The following KANK4 variants were observed in gnomAD, a reference collection of about 807,000 sequenced individuals.
KANK4 encodes the protein KN motif and ankyrin repeat domains 4.
In KANK4, 50 loss-of-function variants were observed where a neutral mutation model predicts 80.8. That is an observed-to-expected ratio of 0.62 (90% CI 0.49 to 0.78). The LOEUF is 0.78. Among genes scored for constraint, KANK4 ranks in the 30% least tolerant of loss-of-function variants. KANK4 has a pLI of 0.00. For missense variants in KANK4, 1,196 were observed against 1,240.1 expected, an observed-to-expected ratio of 0.96 and a Z score of 0.53; for synonymous variants, 465 against 506.9, an observed-to-expected ratio of 0.92 and a Z score of 1.11.
intron 1 of KANK4, among the ~76,000 whole-genome samples, chr1:62,294,740 A>T (rs1886832): frequency 0.3 from 45,597 of 152,104 alleles, 7,431 homozygotes; most frequent in East Asian, 0.64. Flanking sequence ...TCAGTCTGAC[A>T]AGAAGCGGAC....
chr1:62,287,238 G>A (rs985103074), intron 1 of KANK4, among the ~76,000 whole-genome samples: 3 of 152,320 alleles, frequency 2.0e-5, no homozygotes, highest in South Asian at 2.1e-4. Flanking sequence ...TGAAAGGAGC[G>A]GGGATGGTCC....
chr1:62,250,695 C>A (rs1385415557), intron 8 of KANK4, among the ~76,000 whole-genome samples: 4 of 113,418 alleles, frequency 3.5e-5, no homozygotes, highest in Non-Finnish European at 7.5e-5. Flanking sequence ...ACCCCTCTTA[C>A]AAGAGGGACA....
At chr1:62,254,004 C>T (rs1457483955) in intron 7 of KANK4, among the ~76,000 whole-genome samples, 2 of 152,180 alleles carry the variant, frequency 1.3e-5, no homozygotes, top group African/African-American at 2.4e-5. Context: ...GGGTTTCACA[C>T]TCACTAGCTC....
At chr1:62,253,342 G>T in intron 7 of KANK4, 133 bp from the exon 8 acceptor site, 1 of 660,244 alleles carries the variant, frequency 1.5e-6, no homozygotes, top group Non-Finnish European at 2.3e-6. Flanking sequence ...CACAGCTGGA[G>T]CCAGTGGTTT....
chr1:62,307,865 A>G (rs1292727552), intron 1 of KANK4, among the ~76,000 whole-genome samples: 1 of 152,190 alleles, frequency 6.6e-6, no homozygotes, highest in African/African-American at 2.4e-5. Context: ...AAGGTCAAAC[A>G]GAACCCAAAT....
chr1:62,290,731 G>C (rs1672661247), intron 1 of KANK4, among the ~76,000 whole-genome samples: 1 of 146,060 alleles, frequency 6.8e-6, no homozygotes, highest in Middle Eastern at 3.5e-3. Flanking sequence ...ATCAGAGACT[G>C]TCAGAGCTGG....
At chr1:62,316,711 C>G (rs894827718) in intron 1 of KANK4, among the ~76,000 whole-genome samples, 10 of 152,102 alleles carry the variant, frequency 6.6e-5, no homozygotes, top group Admixed American at 6.5e-4. Flanking sequence ...ATGCAATAAC[C>G]ACCATCCCCT....
intron 1 of KANK4, among the ~76,000 whole-genome samples, chr1:62,309,096 A>G (rs1448927658): frequency 6.6e-6 from 1 of 152,216 alleles, no homozygotes. Flanking sequence ...AGATGTGTGT[A>G]TGTCTCACCG....
At chr1:62,300,305 A>T (rs1438213790) in intron 1 of KANK4, among the ~76,000 whole-genome samples, 2 of 152,156 alleles carry the variant, frequency 1.3e-5, no homozygotes, top group African/African-American at 2.4e-5. Flanking sequence ...GATTGTGTGC[A>T]ATCATCCATT....
At chr1:62,259,865 T>C (rs1671837325) in intron 7 of KANK4, among the ~76,000 whole-genome samples, 1 of 151,900 alleles carries the variant, frequency 6.6e-6, no homozygotes, top group Non-Finnish European at 1.5e-5. Context: ...TCTGTGGGGA[T>C]CATTTGGGGT....
intron 1 of KANK4, among the ~76,000 whole-genome samples, chr1:62,297,703 T>C (rs1438677810): frequency 1.3e-5 from 2 of 152,216 alleles, no homozygotes; most frequent in African/African-American, 4.8e-5. Flanking sequence ...ATAAGACCAA[T>C]TTACTTGTGA....
intron 4 of KANK4, 40 bp downstream of exon 4, chr1:62,271,438 T>C (rs973679814): frequency 9.1e-6 from 12 of 1,314,714 alleles, no homozygotes; most frequent in Non-Finnish European, 1.1e-5. Context: ...GCAGGAGAGG[T>C]AGCAAGAAAG....
intron 8 of KANK4, among the ~76,000 whole-genome samples, chr1:62,250,624 C>T (rs551029452): frequency 6.6e-6 from 1 of 152,146 alleles, no homozygotes; most frequent in African/African-American, 2.4e-5. Flanking sequence ...CCCTTGCCCT[C>T]CTACAGCATC....
At chr1:62,318,486 C>A (rs975821413) in intron 1 of KANK4, among the ~76,000 whole-genome samples, 13 of 152,230 alleles carry the variant, frequency 8.5e-5, no homozygotes, top group African/African-American at 2.9e-4. Context: ...AAAGCGCCCT[C>A]GGCGGCGTCT....
chr1:62,304,726 C>A (rs1256222228), intron 1 of KANK4, among the ~76,000 whole-genome samples: 1 of 152,088 alleles, frequency 6.6e-6, no homozygotes, highest in African/African-American at 2.4e-5. Flanking sequence ...CGCCAACAGC[C>A]TCCCCTTTCA....
At chr1:62,306,333 C>T (rs1294898541) in intron 1 of KANK4, among the ~76,000 whole-genome samples, 1 of 151,984 alleles carries the variant, frequency 6.6e-6, no homozygotes, top group Non-Finnish European at 1.5e-5. Context: ...TAATGACTTG[C>T]AATATGTTCA....
chr1:62,274,011 G>A lies in KANK4; in HGVS notation c.1093C>T (p.Gln365Ter), dbSNP rs747607389. The change falls in exon 3 of 10, where the codon CAG (glutamine) becomes TAG (stop). Residue 365 changes from glutamine (Q) to a stop codon, truncating the protein, a stop_gained. Transcript: ENST00000371153. LOFTEE classifies it high-confidence loss of function. ...TGCTGCTGGAGAGCAGTTCTGACCT[G>A]TGCCAGTTCCTCGGTTCTTCCAGAC... The part of the protein sequence containing the change: ...ELSGRTEELA[Q>*]VRTALQQQEE... 11 of 1,614,190 alleles carry A rather than the reference G, an allele frequency of 6.8e-6. No individual in the cohort carries two copies. The highest frequency in any genetic ancestry group is 9.3e-6 in the Non-Finnish European group (11 of 1,180,040).
At chr1:62,289,619 CA>C (rs1409888120) in intron 1 of KANK4, among the ~76,000 whole-genome samples, 1 of 152,050 alleles carries the variant, frequency 6.6e-6, no homozygotes, top group Admixed American at 6.6e-5. Context: ...CAGCAAAATA[CA>C]ATGGTGAAGA....
rs550248971 is a variant in KANK4 at position 62,301,315 on chromosome 1, T to C, written c.-71+17791A>G. On this transcript the variant is annotated intron_variant, in intron 1 of 9. Coordinates refer to ENST00000371153, the MANE Select transcript of KANK4 (RefSeq NM_181712.5). ...ACGCTCCTACTACTGGGTTCTTGCA[T>C]TGCACAGCAGGGACCTGGGCTCAGT... Among the ~76,000 whole-genome samples the C allele has an allele frequency of 5.4e-3, 815 of 152,162 alleles. 19 individuals are homozygous for C. In the South Asian group the frequency reaches 0.065, roughly 12 times the overall value.
Sources: allele counts gnomAD v4.1 joint callset (sites outside exome capture counted in the v4.1 genomes callset), GRCh38; gene constraint gnomAD v4.1.1; transcripts MANE v1.5; gene names NCBI Gene and HGNC (gene_info 2026-07-23, HGNC 2026-07-21).